The following GLRB variants were observed in gnomAD, a reference collection of about 807,000 sequenced individuals.
GLRB encodes glycine receptor subunit beta.
A neutral mutation model predicts 54.2 loss-of-function variants in GLRB; 33 were observed. The observed-to-expected ratio is 0.61, with a 90% CI of 0.46 to 0.81. The LOEUF (loss-of-function observed/expected upper bound fraction) is 0.81. Among genes scored for constraint, GLRB ranks in the 40% least tolerant of loss-of-function variants. The pLI is 0.00. For synonymous variants in GLRB, 209 were observed against 208.2 expected (o/e 1.00, Z -0.03); for missense variants, 572 against 584.6 (o/e 0.98, Z 0.22).
intron 2 of GLRB, among the ~76,000 whole-genome samples, chr4:157,116,474 G>T (rs919122105): frequency 1.3e-5 from 2 of 151,478 alleles, no homozygotes; most frequent in South Asian, 4.2e-4. Flanking sequence ...AACAAAGCAG[G>T]CATTAAGTGT....
intron 2 of GLRB, among the ~76,000 whole-genome samples, chr4:157,095,902 C>T (rs539112810): frequency 6.6e-6 from 1 of 152,016 alleles, no homozygotes; most frequent in African/African-American, 2.4e-5. Context: ...CAAGAGACCA[C>T]CAGACAGCAT....
At chr4:157,148,212 G>A (rs994650329) in intron 8 of GLRB, among the ~76,000 whole-genome samples, 24 of 152,276 alleles carry the variant, frequency 1.6e-4, no homozygotes, top group African/African-American at 5.8e-4. Context: ...TTAGGCTGTA[G>A]TAGTAATGTT....
intron 9 of GLRB, among the ~76,000 whole-genome samples, chr4:157,157,743 T>C (rs1404258038): frequency 6.6e-6 from 1 of 152,256 alleles, no homozygotes; most frequent in African/African-American, 2.4e-5. Flanking sequence ...CTATCATTGA[T>C]GGACATATGG....
At chr4:157,100,934 T>A (rs995519112) in intron 2 of GLRB, among the ~76,000 whole-genome samples, 1 of 152,140 alleles carries the variant, frequency 6.6e-6, no homozygotes, top group Admixed American at 6.5e-5. Context: ...GTCAACTGTT[T>A]TTGTGGGTTT....
chr4:157,136,652 A>C lies in GLRB; in HGVS notation c.481A>C (p.Ile161Leu). 1.2e-6 allele frequency: 2 copies of C among 1,612,956 alleles called. No individual in the cohort carries two copies. Among genetic ancestry groups the C allele is most frequent in the South Asian group, 2.2e-5 (2 of 91,044 alleles). The change falls in exon 5 of 10, where the codon ATC becomes CTC. Residue 161 changes from isoleucine (I) to leucine (L), a missense_variant. Transcript: ENST00000264428. ...TTTTCATGATGTGACCCAGGAAAAC[A>C]TCCTCCTCTTTATTTTTCGTGATGG... ...ANFHDVTQEN[I>L]LLFIFRDGDV... is the part of the protein sequence containing the mutation.
chr4:157,136,709 A>G lies in GLRB; in HGVS notation c.527+11A>G, dbSNP rs376048256. 3 of 1,533,872 alleles carry G rather than the reference A, an allele frequency of 2.0e-6. No individual in the cohort carries two copies. The highest frequency in any genetic ancestry group is 2.7e-6 in the Non-Finnish European group (3 of 1,107,086). On this transcript the variant is annotated intron_variant, in intron 5 of 9. Transcript: ENST00000264428. ...CCTTGTCAGCATGAGGTACTCTTTT[A>G]TATTTCATATTTGTGCATTTATATT...
intron 8 of GLRB, among the ~76,000 whole-genome samples, chr4:157,145,203 A>G (rs1736763534): frequency 6.6e-6 from 1 of 152,184 alleles, no homozygotes; most frequent in Non-Finnish European, 1.5e-5. Context: ...ATCTCCATTC[A>G]TTGCAGGACT....
chr4:157,151,202 C>A (rs1456669259), intron 8 of GLRB, among the ~76,000 whole-genome samples: 1 of 152,024 alleles, frequency 6.6e-6, no homozygotes, highest in Non-Finnish European at 1.5e-5. Flanking sequence ...AATAGTTTAT[C>A]TCAAGGAAAT....
chr4:157,108,196 C>A (rs1474399795), intron 2 of GLRB, among the ~76,000 whole-genome samples: 1 of 152,082 alleles, frequency 6.6e-6, no homozygotes, highest in East Asian at 1.9e-4. Context: ...CCTGCTAATA[C>A]AGCATCCATT....
chr4:157,136,277 A>G (rs2126565383), intron 4 of GLRB, 192 bp from the exon 5 acceptor site: 4 of 584,258 alleles, frequency 6.8e-6, no homozygotes, highest in South Asian at 2.1e-5. Context: ...GAGTAATTAC[A>G]TAGAGACAAG....
At position 157,171,427 on chromosome 4, in the gene GLRB, G is replaced by A. The variant is rs578189713; in HGVS notation, c.*699G>A. 13 of 152,082 alleles carry A rather than the reference G, an allele frequency of 8.5e-5. No individual in the cohort carries two copies. The South Asian group carries it at 1.2e-3, about 15-fold the overall frequency. The allele number at this position is 152,082 out of a possible 1,614,324, so 9.4% of individuals were successfully genotyped here. ...AAATAAAAAAAGATACCTTATTGAC[G>A]AAATATTTAGGATAAACAAAATTCT... On this transcript the variant is annotated 3_prime_UTR_variant, in exon 10 of 10. Transcript: ENST00000264428.
At chr4:157,162,123 C>T (rs115868687) in intron 9 of GLRB, among the ~76,000 whole-genome samples, 7,412 of 152,262 alleles carry the variant, frequency 0.049, 207 homozygotes, top group Middle Eastern at 0.11. Context: ...TTGATCAAAT[C>T]GGCGACTGAA....
intron 2 of GLRB, among the ~76,000 whole-genome samples, chr4:157,093,977 ATCTC>A (rs1360693172): frequency 6.6e-6 from 1 of 151,978 alleles, no homozygotes; most frequent in Non-Finnish European, 1.5e-5. Context: ...GCTTTATGCA[ATCTC>A]TCTCTGTCTT....
rs1734357709 is a variant in GLRB at position 157,085,027 on chromosome 4, G to A, written c.122+6881G>A. ...AGATTGAATTTTTCACTGATGTTTAGTTATGTATTTTCTTATTACTTATTG... is the reference window on the plus strand; with the variant it reads ...AGATTGAATTTTTCACTGATGTTTAATTATGTATTTTCTTATTACTTATTG... On this transcript the variant is annotated intron_variant, in intron 2 of 9. Coordinates refer to ENST00000264428, the MANE Select transcript of GLRB (RefSeq NM_000824.5). Among the ~76,000 whole-genome samples, 4 of 152,082 alleles carry A rather than the reference G, an allele frequency of 2.6e-5. No individual in the cohort carries two copies. In the South Asian group the frequency reaches 6.2e-4, roughly 24 times the overall value.
chr4:157,166,971 T>C (rs1737733528), intron 9 of GLRB, among the ~76,000 whole-genome samples: 1 of 152,116 alleles, frequency 6.6e-6, no homozygotes, highest in Non-Finnish European at 1.5e-5. Flanking sequence ...GGTTATAATA[T>C]TATATAAATT....
rs2126608666 is a variant in GLRB, at chr4:157,155,583, C to A, written c.1197+2573C>A. 3.3e-5 allele frequency among the ~76,000 whole-genome samples: 5 copies of A among 152,258 alleles called. No individual in the cohort carries two copies. The South Asian group carries it at 1.0e-3, about 32-fold the overall frequency. On this transcript the variant is annotated intron_variant, in intron 9 of 9. Transcript: ENST00000264428. Reference sequence around the variant, plus strand: ...TAAGGTTACAATTCTATATGCATTTCTTTTAGCGCCTAAAAAGTATTGTGT... The same window carrying A: ...TAAGGTTACAATTCTATATGCATTTATTTTAGCGCCTAAAAAGTATTGTGT...
At chr4:157,106,766 A>G (rs182568718) in intron 2 of GLRB, among the ~76,000 whole-genome samples, 1 of 152,174 alleles carries the variant, frequency 6.6e-6, no homozygotes, top group Non-Finnish European at 1.5e-5. Flanking sequence ...CTTGGACTGA[A>G]CCATGCTACT....
intron 4 of GLRB, among the ~76,000 whole-genome samples, chr4:157,128,622 G>A (rs1210369718): frequency 6.6e-6 from 1 of 151,714 alleles, no homozygotes; most frequent in East Asian, 1.9e-4. Context: ...TGGCACCATA[G>A]CACCACCTAG....
intron 2 of GLRB, among the ~76,000 whole-genome samples, chr4:157,102,825 C>T (rs58751190): frequency 0.061 from 9,250 of 152,076 alleles, 339 homozygotes; most frequent in Middle Eastern, 0.13. Context: ...CACCTTGGGG[C>T]GGAGACTTGG....
Sources: allele counts gnomAD v4.1 joint callset (sites outside exome capture counted in the v4.1 genomes callset), GRCh38; gene constraint gnomAD v4.1.1; transcripts MANE v1.5; gene names NCBI Gene and HGNC (gene_info 2026-07-23, HGNC 2026-07-21).